Variants in NYAP2 observed in about 807,000 individuals in gnomAD.
NYAP2 encodes neuronal tyrosine-phosphorylated phosphoinositide-3-kinase adaptor 2.
NYAP2 carries 23 observed loss-of-function variants against 50.4 expected under a neutral mutation model. The observed-to-expected ratio is 0.46, with a 90% CI of 0.33 to 0.65. The LOEUF is 0.65. Ranked by LOEUF, NYAP2 falls within the 30% of genes least tolerant of loss-of-function variation. The pLI, the probability that NYAP2 is intolerant of heterozygous loss-of-function variation, is 0.02. For missense variants in NYAP2, 885 were observed against 861.0 expected (o/e 1.03, Z -0.35); for synonymous variants, 394 against 365.2 (o/e 1.08, Z -0.90).
chr2:225,473,107 C>T (rs1009825296), intron 3 of NYAP2, among the ~76,000 whole-genome samples: 13 of 152,262 alleles, frequency 8.5e-5, no homozygotes, highest in South Asian at 2.1e-4. Context: ...TGGTTTCCAG[C>T]TTCATCCATG....
the NYAP2 span, among the ~76,000 whole-genome samples, chr2:225,683,279 T>C: frequency 6.6e-6 from 1 of 152,112 alleles, no homozygotes; most frequent in South Asian, 2.1e-4. Context: ...CCACAGGCAA[T>C]ATCCCTTGAA....
At chr2:225,606,323 A>G (rs185144060) in intron 5 of NYAP2, among the ~76,000 whole-genome samples, 49 of 152,262 alleles carry the variant, frequency 3.2e-4, no homozygotes, top group African/African-American at 1.1e-3. Context: ...AATTGCTGGT[A>G]TAAATTTATG....
the NYAP2 span, among the ~76,000 whole-genome samples, chr2:225,697,361 A>C: frequency 6.6e-6 from 1 of 152,026 alleles, no homozygotes; most frequent in Non-Finnish European, 1.5e-5. Context: ...CAGTCTGACT[A>C]CAGGGACCAA....
chr2:225,417,976 G>C (rs911098626), intron 3 of NYAP2, among the ~76,000 whole-genome samples: 29 of 151,676 alleles, frequency 1.9e-4, no homozygotes, highest in Admixed American at 1.3e-3. Flanking sequence ...AGTAAATATA[G>C]AGTAAGTGCA....
At chr2:225,681,872 TGTC>T in the NYAP2 span, among the ~76,000 whole-genome samples, 1 of 152,186 alleles carries the variant, frequency 6.6e-6, no homozygotes, top group Admixed American at 6.6e-5. Context: ...AGCATCATAA[TGTC>T]AACCTTATAA....
downstream of NYAP2, among the ~76,000 whole-genome samples, chr2:225,658,829 T>C (rs1488758956): frequency 6.6e-6 from 1 of 152,216 alleles, no homozygotes; most frequent in Non-Finnish European, 1.5e-5. Flanking sequence ...ATACAAAGAA[T>C]TCAGAGGGTC....
the NYAP2 span, among the ~76,000 whole-genome samples, chr2:225,680,058 A>G: frequency 1.3e-5 from 2 of 152,118 alleles, no homozygotes; most frequent in South Asian, 2.1e-4. Flanking sequence ...TTAACATACT[A>G]TGACTGTTCA....
At chr2:225,538,398 C>T (rs930374458) in intron 4 of NYAP2, among the ~76,000 whole-genome samples, 3 of 152,248 alleles carry the variant, frequency 2.0e-5, no homozygotes, top group African/African-American at 7.2e-5. Context: ...AACCCCAATT[C>T]TTGACTTCTG....
intron 3 of NYAP2, among the ~76,000 whole-genome samples, chr2:225,479,849 C>A (rs1269232973): frequency 1.3e-5 from 2 of 152,008 alleles, no homozygotes; most frequent in African/African-American, 4.8e-5. Flanking sequence ...CAATGTGATT[C>A]CCTTTCCCCA....
At chr2:225,540,033 T>A (rs1343405722) in intron 4 of NYAP2, among the ~76,000 whole-genome samples, 2 of 152,200 alleles carry the variant, frequency 1.3e-5, no homozygotes, top group South Asian at 2.1e-4. Flanking sequence ...TCACTTTTGC[T>A]CCAGTTCCCA....
intron 3 of NYAP2, among the ~76,000 whole-genome samples, chr2:225,439,615 C>G (rs965208032): frequency 6.6e-6 from 1 of 151,962 alleles, no homozygotes; most frequent in South Asian, 2.1e-4. Flanking sequence ...TTGAAGATGT[C>G]CAGAATGATG....
At chr2:225,690,507 C>T in the NYAP2 span, among the ~76,000 whole-genome samples, 1 of 152,026 alleles carries the variant, frequency 6.6e-6, no homozygotes. Context: ...GGAAAGTTCT[C>T]AAATTAAATT....
At chr2:225,643,068 A>G (rs527625607) in intron 6 of NYAP2, among the ~76,000 whole-genome samples, 1 of 152,340 alleles carries the variant, frequency 6.6e-6, no homozygotes, top group African/African-American at 2.4e-5. Flanking sequence ...CTCATGATTA[A>G]TCAAGAGTAT....
chr2:225,626,007 G>A (rs1030121394), intron 5 of NYAP2, among the ~76,000 whole-genome samples: 9 of 152,140 alleles, frequency 5.9e-5, no homozygotes, highest in African/African-American at 2.2e-4. Flanking sequence ...AATAAAATCT[G>A]TACAATCTTC....
rs145631867 is a variant in NYAP2 at position 225,545,809 on chromosome 2, G to A, written c.523+32137G>A. Reference sequence around the variant, plus strand: ...GTATTTATTGTAGTCTTTGCAGTCCGGGCTTGTTTGTGCCTGTCCTTATTG... The same window carrying A: ...GTATTTATTGTAGTCTTTGCAGTCCAGGCTTGTTTGTGCCTGTCCTTATTG... On this transcript the variant is annotated intron_variant, in intron 4 of 6. Coordinates refer to ENST00000636099, the Ensembl canonical transcript of NYAP2. 7.4e-3 allele frequency among the ~76,000 whole-genome samples: 1,120 copies of A among 152,130 alleles called. 8 individuals are homozygous for A. The highest frequency in any genetic ancestry group is 0.012 in the Non-Finnish European group (807 of 68,006).
intron 3 of NYAP2, among the ~76,000 whole-genome samples, chr2:225,494,634 T>C (rs1186384480): frequency 6.6e-6 from 1 of 152,256 alleles, no homozygotes; most frequent in Non-Finnish European, 1.5e-5. Flanking sequence ...TATTTGCTTA[T>C]AGGCCTTCCA....
chr2:225,680,310 AT>A, the NYAP2 span, among the ~76,000 whole-genome samples: 1 of 152,196 alleles, frequency 6.6e-6, no homozygotes, highest in African/African-American at 2.4e-5. Context: ...CAGTTTTCTT[AT>A]AAGAGGATAC....
downstream of NYAP2, among the ~76,000 whole-genome samples, chr2:225,657,789 A>G (rs1299595840): frequency 6.6e-6 from 1 of 152,116 alleles, no homozygotes; most frequent in African/African-American, 2.4e-5. Flanking sequence ...ATTTTACCTG[A>G]TCAGTTGGAT....
At chr2:225,483,530 G>T (rs973862324) in intron 3 of NYAP2, among the ~76,000 whole-genome samples, 2 of 152,056 alleles carry the variant, frequency 1.3e-5, no homozygotes, top group African/African-American at 2.4e-5. Flanking sequence ...CTTCATTTAG[G>T]ATTATTTGCA....
Sources: gnomAD v4.1 joint callset for allele counts (sites outside exome capture counted in the v4.1 genomes callset) on GRCh38, gnomAD v4.1.1 for gene constraint, MANE v1.5 for transcripts, NCBI Gene and HGNC (gene_info 2026-07-23, HGNC 2026-07-21) for gene names.